Variants in KLHL1 observed in about 807,000 individuals in gnomAD.
KLHL1 encodes the protein kelch-like protein 1.
A neutral mutation model predicts 77.7 loss-of-function variants in KLHL1; 47 were observed. The observed-to-expected ratio is 0.60, with a 90% CI of 0.48 to 0.77. The LOEUF (loss-of-function observed/expected upper bound fraction) is 0.77. Among genes scored for constraint, KLHL1 ranks in the 30% least tolerant of loss-of-function variants. The pLI, the probability that KLHL1 is intolerant of heterozygous loss-of-function variation, is 0.00. For missense variants in KLHL1, 925 were observed against 910.8 expected (o/e 1.02, Z -0.20); for synonymous variants, 360 against 325.2 (o/e 1.11, Z -1.15).
chr13:69,804,500 G>A (rs1877531572), intron 6 of KLHL1, among the ~76,000 whole-genome samples: 1 of 152,050 alleles, frequency 6.6e-6, no homozygotes, highest in Admixed American at 6.5e-5. Flanking sequence ...AGAAAATAAA[G>A]CTCTCTTATT....
intron 1 of KLHL1, among the ~76,000 whole-genome samples, chr13:70,048,231 G>C (rs1474008649): frequency 6.6e-6 from 1 of 152,168 alleles, no homozygotes; most frequent in Non-Finnish European, 1.5e-5. Flanking sequence ...TGAAAATCCT[G>C]AACGTGGTTC....
At chr13:69,833,747 G>GTGTGTGTA (rs545246675) in intron 6 of KLHL1, among the ~76,000 whole-genome samples, 8 of 142,318 alleles carry the variant, frequency 5.6e-5, no homozygotes, top group African/African-American at 2.2e-4. Flanking sequence ...AGAAATAATG[G>GTGTGTGTA]TATATATATA....
chr13:70,091,772 A>G (rs571000674), intron 1 of KLHL1, among the ~76,000 whole-genome samples: 1 of 152,266 alleles, frequency 6.6e-6, no homozygotes, highest in Non-Finnish European at 1.5e-5. Flanking sequence ...TCTACATTCT[A>G]CTTCTACAAG....
chr13:69,830,561 A>C (rs1363311644), intron 6 of KLHL1, among the ~76,000 whole-genome samples: 2 of 150,202 alleles, frequency 1.3e-5, no homozygotes, highest in Non-Finnish European at 3.0e-5. Context: ...GTCAACAAAG[A>C]AACAATGGAC....
At chr13:69,748,601 C>A (rs1874326694) in intron 7 of KLHL1, among the ~76,000 whole-genome samples, 1 of 151,962 alleles carries the variant, frequency 6.6e-6, no homozygotes, top group African/African-American at 2.4e-5. Context: ...CAGACCATAT[C>A]ACCACCAGTA....
intron 1 of KLHL1, among the ~76,000 whole-genome samples, chr13:70,062,620 T>C (rs1246942287): frequency 6.6e-6 from 1 of 152,172 alleles, no homozygotes; most frequent in Non-Finnish European, 1.5e-5. Context: ...AAAAAGTGGA[T>C]ACTCAGTAAG....
intron 8 of KLHL1, among the ~76,000 whole-genome samples, chr13:69,737,920 C>T (rs2137925337): frequency 6.6e-6 from 1 of 152,284 alleles, no homozygotes; most frequent in African/African-American, 2.4e-5. Context: ...GTCCTTGATC[C>T]TGCTCCTCCT....
chr13:69,879,077 A>C (rs1166984242), intron 5 of KLHL1, among the ~76,000 whole-genome samples: 4 of 152,162 alleles, frequency 2.6e-5, no homozygotes, highest in African/African-American at 7.2e-5. Flanking sequence ...CAGGAAGGTG[A>C]ACATCACACA....
chr13:69,944,127 C>T (rs916836935), intron 3 of KLHL1, among the ~76,000 whole-genome samples: 2 of 152,136 alleles, frequency 1.3e-5, no homozygotes, highest in African/African-American at 2.4e-5. Flanking sequence ...CTGATAAAAT[C>T]GACTCACTGT....
intron 1 of KLHL1, among the ~76,000 whole-genome samples, chr13:70,014,676 A>G (rs1254599477): frequency 6.6e-6 from 1 of 152,156 alleles, no homozygotes; most frequent in African/African-American, 2.4e-5. Context: ...ATCTTTATGT[A>G]ATATCAATGT....
At chr13:70,017,237 G>A (rs78872836) in intron 1 of KLHL1, among the ~76,000 whole-genome samples, 2,768 of 152,284 alleles carry the variant, frequency 0.018, 101 homozygotes, top group African/African-American at 0.062. Flanking sequence ...CCAGTGATGA[G>A]GAGAAAAGAG....
chr13:69,805,948 AG>A (rs1877598604), intron 6 of KLHL1, among the ~76,000 whole-genome samples: 1 of 151,870 alleles, frequency 6.6e-6, no homozygotes, highest in African/African-American at 2.4e-5. Flanking sequence ...AGGCTGCTCA[AG>A]GGGAAAAAAC....
intron 1 of KLHL1, among the ~76,000 whole-genome samples, chr13:70,077,344 A>G (rs568106021): frequency 6.6e-6 from 1 of 152,032 alleles, no homozygotes; most frequent in South Asian, 2.1e-4. Context: ...CTGCTAAATG[A>G]AATAAGCTGG....
intron 1 of KLHL1, among the ~76,000 whole-genome samples, chr13:70,051,844 C>T (rs1424058366): frequency 6.6e-6 from 1 of 151,840 alleles, no homozygotes; most frequent in South Asian, 2.1e-4. Flanking sequence ...TAAGGAAATA[C>T]TTGATATCTA....
At chr13:70,052,459 A>G (rs1886652536) in intron 1 of KLHL1, among the ~76,000 whole-genome samples, 1 of 151,966 alleles carries the variant, frequency 6.6e-6, no homozygotes, top group African/African-American at 2.4e-5. Flanking sequence ...AAAATTAAAA[A>G]AAACCCTTAT....
chr13:69,710,270 A>G (rs1181833367), intron 9 of KLHL1, among the ~76,000 whole-genome samples: 1 of 151,860 alleles, frequency 6.6e-6, no homozygotes, highest in African/African-American at 2.4e-5. Context: ...CTAACCTGCA[A>G]TCAGAAATAT....
chr13:69,958,193 C>T (rs1339846999), intron 3 of KLHL1, among the ~76,000 whole-genome samples: 1 of 151,238 alleles, frequency 6.6e-6, no homozygotes, highest in African/African-American at 2.4e-5. Context: ...CTGTTATCAC[C>T]ATTGCTGTCT....
chr13:69,905,426 A>C (rs1240384855), intron 4 of KLHL1, among the ~76,000 whole-genome samples: 1 of 152,094 alleles, frequency 6.6e-6, no homozygotes, highest in Non-Finnish European at 1.5e-5. Context: ...CATTAGTTAC[A>C]TATCCCTTAT....
At chr13:70,015,342 G>T (rs192882621) in intron 1 of KLHL1, among the ~76,000 whole-genome samples, 2 of 152,076 alleles carry the variant, frequency 1.3e-5, no homozygotes. Flanking sequence ...GTAAGTATTT[G>T]TGTATCTAAA....
Sources: allele counts gnomAD v4.1 joint callset (sites outside exome capture counted in the v4.1 genomes callset), GRCh38; gene constraint gnomAD v4.1.1; transcripts MANE v1.5; gene names NCBI Gene and HGNC (gene_info 2026-07-23, HGNC 2026-07-21).